Variants in SMARCAL1 observed in about 807,000 individuals in gnomAD.
SMARCAL1 encodes ATP-driven annealing helicase.
SMARCAL1 carries 58 observed loss-of-function variants against 94.5 expected under a neutral mutation model. The ratio of observed to expected loss-of-function variants is 0.61; its 90% CI spans 0.50 to 0.76. SMARCAL1 has a LOEUF of 0.76. Ranked by LOEUF, SMARCAL1 falls within the 30% of genes least tolerant of loss-of-function variation. The probability of loss-of-function intolerance (pLI) is 0.00; values close to 1 mark genes in which losing one functional copy is unlikely to be tolerated. For synonymous variants in SMARCAL1, 422 were observed against 455.1 expected (o/e 0.93, Z 0.93); for missense variants, 1,051 against 1,177.9 (o/e 0.89, Z 1.58).
Position 216,478,207 on chromosome 2 carries a change from CT to C in SMARCAL1, c.2534del (p.Leu845ArgfsTer22). The C allele has an allele frequency of 6.2e-7, 1 of 1,614,078 alleles. No homozygotes were observed. Among genetic ancestry groups the C allele is most frequent in the Non-Finnish European group, 8.5e-7 (1 of 1,179,928 alleles). On this transcript the variant is annotated frameshift_variant, in exon 17 of 18. Transcript: ENST00000357276. LOFTEE classifies it high-confidence loss of function. ...CAGCTCATTTCTCCCCAACAGGCCC[CT>C]GATTCAAGAGAAGATTAAAGTTCTG... Reference protein sequence around the residue: ...KGTADDYLWPLIQEKIKVLAE... With the variant: ...KGTADDYLWPXIQEKIKVLAE...
At chr2:216,465,828 A>C (rs1266580417) in intron 13 of SMARCAL1, among the ~76,000 whole-genome samples, 1 of 152,068 alleles carries the variant, frequency 6.6e-6, no homozygotes, top group East Asian at 1.9e-4. Context: ...ATAAATTAAG[A>C]AATATATCTG....
chr2:216,462,620 C>T (rs1574475656), intron 12 of SMARCAL1, among the ~76,000 whole-genome samples: 1 of 152,100 alleles, frequency 6.6e-6, no homozygotes, highest in East Asian at 1.9e-4. Context: ...TAATCAGTGA[C>T]CCCACAGCTT....
intron 15 of SMARCAL1, among the ~76,000 whole-genome samples, chr2:216,476,050 C>G (rs1695070156): frequency 6.6e-6 from 1 of 152,092 alleles, no homozygotes; most frequent in African/African-American, 2.4e-5. Context: ...AACAATGGAC[C>G]TCACACAGAG....
At chr2:216,448,408 G>T (rs947292538) in intron 11 of SMARCAL1, among the ~76,000 whole-genome samples, 1 of 152,124 alleles carries the variant, frequency 6.6e-6, no homozygotes, top group African/African-American at 2.4e-5. Context: ...TGATGAAAGG[G>T]GCTAAAGATA....
intron 17 of SMARCAL1, among the ~76,000 whole-genome samples, chr2:216,481,558 C>T (rs1246349158): frequency 6.6e-6 from 1 of 151,608 alleles, no homozygotes; most frequent in African/African-American, 2.4e-5. Flanking sequence ...GGCTGGAGTG[C>T]AGTGGCGTGA....
intron 7 of SMARCAL1, 60 bp downstream of exon 7, chr2:216,428,842 A>G (rs902727001): frequency 4.1e-6 from 6 of 1,446,778 alleles, no homozygotes; most frequent in Non-Finnish European, 5.8e-6. Context: ...CTCACCACAG[A>G]CTGCATTCAG....
intron 4 of SMARCAL1, among the ~76,000 whole-genome samples, chr2:216,416,997 C>T (rs1693617184): frequency 1.3e-5 from 2 of 152,238 alleles, no homozygotes; most frequent in Non-Finnish European, 2.9e-5. Flanking sequence ...TGTGTCAAAG[C>T]GTCAGCCCTG....
intron 3 of SMARCAL1, 49 bp downstream of exon 3, chr2:216,415,564 G>A (rs1405957581): frequency 1.4e-6 from 2 of 1,478,492 alleles, no homozygotes; most frequent in East Asian, 2.3e-5. Context: ...CTTATTTTTG[G>A]AGTCTCTTTT....
At chr2:216,420,718 T>G (rs1310042341) in intron 5 of SMARCAL1, among the ~76,000 whole-genome samples, 186 bp downstream of exon 5, 2 of 152,164 alleles carry the variant, frequency 1.3e-5, no homozygotes, top group South Asian at 2.1e-4. Flanking sequence ...GTGGTGGCTG[T>G]TTTGTCATAA....
intron 5 of SMARCAL1, 41 bp from the exon 6 acceptor site, chr2:216,423,592 G>T: frequency 6.5e-7 from 1 of 1,528,424 alleles, no homozygotes; most frequent in Admixed American, 1.7e-5. Context: ...TAGCAGAAGG[G>T]CAGGGTGTCC....
chr2:216,468,105 G>A, intron 14 of SMARCAL1, 59 bp downstream of exon 14: 1 of 1,200,830 alleles, frequency 8.3e-7, no homozygotes, highest in East Asian at 2.4e-5. Context: ...GTTGTTCTAA[G>A]CAGGCTTAGG....
chr2:216,437,864 G>C (rs1694112163), intron 9 of SMARCAL1, among the ~76,000 whole-genome samples: 1 of 152,230 alleles, frequency 6.6e-6, no homozygotes, highest in Non-Finnish European at 1.5e-5. Flanking sequence ...AAACATAGCA[G>C]TTCCTTGAGA....
chr2:216,466,344 A>T (rs1694828841), intron 13 of SMARCAL1, among the ~76,000 whole-genome samples: 1 of 152,234 alleles, frequency 6.6e-6, no homozygotes, highest in South Asian at 2.1e-4. Flanking sequence ...TACACCTGTG[A>T]ACTCATTTCA....
intron 9 of SMARCAL1, among the ~76,000 whole-genome samples, chr2:216,436,751 G>T (rs548747273): frequency 6.6e-6 from 1 of 152,214 alleles, no homozygotes; most frequent in Non-Finnish European, 1.5e-5. Flanking sequence ...ATTCTTGAGT[G>T]TTGCCTTGTG....
Position 216,412,658 on chromosome 2 carries a change from T to A in SMARCAL1, c.-96+10T>A, listed in dbSNP as rs1693487620. On this transcript the variant is annotated intron_variant, in intron 1 of 17. Transcript: ENST00000357276. Reference sequence around the variant, plus strand: ...TTCTAGGCCTCCCTGGGTGAGAAAGTGGTAGACTGGCAGGAAGGCGGCGGA... The same window carrying A: ...TTCTAGGCCTCCCTGGGTGAGAAAGAGGTAGACTGGCAGGAAGGCGGCGGA... The A allele has an allele frequency of 6.5e-6, 1 of 152,982 alleles. No homozygotes were observed. The highest frequency in any genetic ancestry group is 2.4e-5 in the African/African-American group (1 of 41,302). 9.5% of individuals were successfully genotyped at this position (152,982 alleles called of 1,614,324 possible).
rs1695048928 is a variant in SMARCAL1, at chr2:216,475,341, C to G, written c.2317C>G (p.Leu773Val). The change falls in exon 15 of 18, where the codon CTG becomes GTG. Residue 773 changes from leucine (L) to valine (V), a missense_variant. Coordinates refer to ENST00000357276, the MANE Select transcript of SMARCAL1 (RefSeq NM_014140.4). This position sits in a 1 kb window ranked among gnomAD's most constrained non-coding sequence, Gnocchi z 4.4. ...EREDLCQQFQ[L>V]SERHAVAVLS... ...GGAGGACCTGTGCCAGCAGTTCCAA[C>G]TGTCGGAGAGGCATGCTGTGGCCGT... The G allele has an allele frequency of 6.2e-7, 1 of 1,614,204 alleles. No homozygotes were observed. Among genetic ancestry groups the G allele is most frequent in the Non-Finnish European group, 8.5e-7 (1 of 1,180,040 alleles).
At position 216,475,342 on chromosome 2, in the gene SMARCAL1, T is replaced by C; in HGVS notation, c.2318T>C (p.Leu773Pro). 6.2e-7 allele frequency: 1 copy of C among 1,614,192 alleles called. No individual in the cohort carries two copies. The highest frequency in any genetic ancestry group is 8.5e-7 in the Non-Finnish European group (1 of 1,180,032). The change falls in exon 15 of 18, where the codon CTG (leucine) becomes CCG (proline). Residue 773 changes from leucine (L) to proline (P), a missense_variant. Leu to Pro is a moderately conservative substitution (Grantham distance 98). Transcript: ENST00000357276. The surrounding 1 kb of genome is among the most constrained non-coding windows in gnomAD (Gnocchi z 4.4). ...EREDLCQQFQ[L>P]SERHAVAVLS... Reference sequence around the variant, plus strand: ...GAGGACCTGTGCCAGCAGTTCCAACTGTCGGAGAGGCATGCTGTGGCCGTG... The same window carrying C: ...GAGGACCTGTGCCAGCAGTTCCAACCGTCGGAGAGGCATGCTGTGGCCGTG...
intron 8 of SMARCAL1, among the ~76,000 whole-genome samples, chr2:216,433,708 A>T (rs577293535): frequency 3.7e-4 from 56 of 152,266 alleles, no homozygotes; most frequent in African/African-American, 1.3e-3. Context: ...CAGGAATCAG[A>T]GTGCTTTTGT....
At chr2:216,463,821 A>G (rs1302563401) in intron 12 of SMARCAL1, among the ~76,000 whole-genome samples, 1 of 152,108 alleles carries the variant, frequency 6.6e-6, no homozygotes, top group East Asian at 1.9e-4. Context: ...GGTGGGTGGA[A>G]CACCGGAGGT....
Sources: gnomAD v4.1 joint callset for allele counts (sites outside exome capture counted in the v4.1 genomes callset) on GRCh38, gnomAD v4.1.1 for gene constraint, Gnocchi (gnomAD v3.1) non-coding constraint, MANE v1.5 for transcripts, NCBI Gene and HGNC (gene_info 2026-07-23, HGNC 2026-07-21) for gene names.